Variants in ALPL observed in about 807,000 individuals in gnomAD.
The protein encoded by ALPL is alkaline phosphatase, tissue-nonspecific isozyme.
A neutral mutation model predicts 51.3 loss-of-function variants in ALPL; 42 were observed. The ratio of observed to expected loss-of-function variants is 0.82; its 90% CI spans 0.64 to 1.06. The LOEUF (loss-of-function observed/expected upper bound fraction) is 1.06. Ranked by LOEUF, ALPL falls within the 50% of genes least tolerant of loss-of-function variation. ALPL has a pLI of 0.00. For missense variants in ALPL, 589 were observed against 709.4 expected (o/e 0.83, Z 1.93); for synonymous variants, 279 against 296.4 (o/e 0.94, Z 0.60).
In ALPL at chr1:21,570,362, G is replaced by C. The variant is rs746700357; in HGVS notation, c.850G>C (p.Asp284His). 1 of 1,614,094 alleles carries C rather than the reference G, an allele frequency of 6.2e-7. No homozygotes were observed. The highest frequency in any genetic ancestry group is 1.1e-5 in the South Asian group (1 of 91,076). The change falls in exon 8 of 12, where the codon GAC becomes CAC. Residue 284 changes from aspartate to histidine, a missense_variant. Asp to His is a moderately conservative substitution (Grantham distance 81). Transcript: ENST00000374840. ...CCTGACCCTTGACCCCCACAATGTG[G>C]ACTACCTATTGGGTAAGTGGAGGGG... ...ELLTLDPHNV[D>H]YLLGLFEPGD...
chr1:21,513,087 T>C (rs980252775), intron 1 of ALPL, among the ~76,000 whole-genome samples: 2 of 152,036 alleles, frequency 1.3e-5, no homozygotes, highest in South Asian at 4.1e-4. Flanking sequence ...TTATTATTAC[T>C]ATTTTGTATT....
intron 1 of ALPL, among the ~76,000 whole-genome samples, chr1:21,541,011 C>T (rs993012858): frequency 6.6e-6 from 1 of 152,224 alleles, no homozygotes; most frequent in African/African-American, 2.4e-5. Flanking sequence ...AGGGAAAGTA[C>T]TCAGCAGGCA....
rs1644757548 is a variant in ALPL, at chr1:21,577,576, C to T, written c.1503C>T (p.Ser501=). The change falls in exon 12 of 12, where the codon AGC becomes AGT. Residue 501 remains serine, a synonymous_variant. Transcript: ENST00000374840. ...ACCTCGGCCACTGTGCTCCTGCCAGCTCGGCAGGCAGCCTTGCTGCAGGCC... is the reference window on the plus strand; with the variant it reads ...ACCTCGGCCACTGTGCTCCTGCCAGTTCGGCAGGCAGCCTTGCTGCAGGCC... The part of the protein sequence containing the change: ...GANLGHCAPA[S]SAGSLAAGPL... The T allele has an allele frequency of 6.2e-7, 1 of 1,603,212 alleles. No homozygotes were observed. Among genetic ancestry groups the T allele is most frequent in the Non-Finnish European group, 8.5e-7 (1 of 1,179,772 alleles).
At chr1:21,511,259 G>T (rs992506355) in intron 1 of ALPL, among the ~76,000 whole-genome samples, 3 of 152,154 alleles carry the variant, frequency 2.0e-5, no homozygotes, top group Non-Finnish European at 4.4e-5. Context: ...AGATTAAGAC[G>T]CAATCACCTG....
chr1:21,546,433 A>G (rs994216936), intron 1 of ALPL, among the ~76,000 whole-genome samples: 11 of 152,212 alleles, frequency 7.2e-5, no homozygotes, highest in African/African-American at 1.7e-4. Flanking sequence ...ACAGCTGTGC[A>G]TATCCAAGTG....
At chr1:21,533,313 T>C (rs911188752) in intron 1 of ALPL, among the ~76,000 whole-genome samples, 1 of 152,204 alleles carries the variant, frequency 6.6e-6, no homozygotes, top group Non-Finnish European at 1.5e-5. Context: ...GCACAGTGAA[T>C]GCAGCTGTCA....
rs757045880 is a variant in ALPL, at chr1:21,577,387, C to T, written c.1314C>T (p.His438=). 10 of 1,613,310 alleles carry T rather than the reference C, an allele frequency of 6.2e-6. No individual in the cohort carries two copies. The highest frequency in any genetic ancestry group is 2.2e-5 in the East Asian group (1 of 44,884). The stretch of plus-strand genomic sequence containing the variant: ...GGTGTTTCCCCTGGCCCACAGCTCA[C>T]AACAACTACCAGGCGCAGTCTGCTG... The part of the protein sequence containing the change: ...RENVSMVDYA[H]NNYQAQSAVP... Residue 438 remains histidine (H), a synonymous_variant, in exon 12 of 12, where the codon CAC becomes CAT. Coordinates refer to ENST00000374840, the MANE Select transcript of ALPL (RefSeq NM_000478.6).
intron 2 of ALPL, among the ~76,000 whole-genome samples, chr1:21,555,434 G>A (rs1188669847): frequency 1.3e-5 from 2 of 152,204 alleles, no homozygotes; most frequent in Non-Finnish European, 2.9e-5. Flanking sequence ...TTTTGAGACA[G>A]AGACAGACTC....
At position 21,568,238 on chromosome 1, in the gene ALPL, G is replaced by A. The variant is rs537483743; in HGVS notation, c.783G>A (p.Pro261=). Residue 261 remains proline (P), a synonymous_variant, in exon 7 of 12, where the codon CCG becomes CCA. Transcript: ENST00000374840. The part of the protein sequence containing the change: ...DLVDTWKSFK[P]RYKHSHFIWN... Reference sequence around the variant, plus strand: ...TTGACACCTGGAAGAGCTTCAAACCGAGATACAAGGTAGCCTGTGCTGGGG... The same window carrying A: ...TTGACACCTGGAAGAGCTTCAAACCAAGATACAAGGTAGCCTGTGCTGGGG... 12 of 1,614,088 alleles carry A rather than the reference G, an allele frequency of 7.4e-6. No homozygotes were observed. Among genetic ancestry groups the A allele is most frequent in the African/African-American group, 5.3e-5 (4 of 75,026 alleles).
At chr1:21,574,087 C>T in intron 9 of ALPL, 27 of 985,454 alleles carry the variant, frequency 2.7e-5, no homozygotes, top group Non-Finnish European at 3.3e-5. Flanking sequence ...GGACCTGGCC[C>T]TGAAGGGGCA....
At chr1:21,510,887 A>G (rs1160934613) in intron 1 of ALPL, among the ~76,000 whole-genome samples, 1 of 152,128 alleles carries the variant, frequency 6.6e-6, no homozygotes, top group Non-Finnish European at 1.5e-5. Context: ...CTTTAACTGA[A>G]TACCTGTGAA....
intron 1 of ALPL, among the ~76,000 whole-genome samples, chr1:21,541,546 G>C (rs1340427472): frequency 6.6e-6 from 1 of 152,246 alleles, no homozygotes; most frequent in East Asian, 1.9e-4. Flanking sequence ...CAGCCACGGG[G>C]CTGCTGCCAT....
intron 7 of ALPL, 152 bp from the exon 8 acceptor site, chr1:21,570,153 T>A: frequency 2.6e-6 from 2 of 757,832 alleles, no homozygotes; most frequent in Non-Finnish European, 4.6e-6. Flanking sequence ...TGATTCATCA[T>A]TTCTTGAGGT....
intron 2 of ALPL, among the ~76,000 whole-genome samples, chr1:21,554,788 C>CCTGTCTGT (rs369690542): frequency 2.3e-4 from 26 of 114,618 alleles, no homozygotes; most frequent in African/African-American, 8.8e-4. Flanking sequence ...CCGCGCCTGG[C>CCTGTCTGT]CTGTCTGTCT....
At chr1:21,553,844 T>C (rs974660433) in intron 1 of ALPL, 134 bp from the exon 2 acceptor site, 12 of 554,178 alleles carry the variant, frequency 2.2e-5, no homozygotes, top group African/African-American at 2.1e-4. Flanking sequence ...ATCCCAATGT[T>C]GAGCCCCATG....
chr1:21,564,221 G>C lies in ALPL; in HGVS notation c.648+5G>C, dbSNP rs771097001. On this transcript the variant is annotated splice_donor_5th_base_variant and intron_variant, in intron 6 of 11. Transcript: ENST00000374840. The surrounding 1 kb of genome is among the most constrained non-coding windows in gnomAD (Gnocchi z 5.8). ...CATAACATCAGGGACATTGACGTGA[G>C]TGCTCGGGGGCAGCCGGGCAGGGAC... 1.2e-6 allele frequency: 2 copies of C among 1,613,312 alleles called. No individual in the cohort carries two copies. The highest frequency in any genetic ancestry group is 4.5e-5 in the East Asian group (2 of 44,892).
intron 2 of ALPL, among the ~76,000 whole-genome samples, chr1:21,558,804 A>C (rs1644446334): frequency 6.6e-6 from 1 of 152,150 alleles, no homozygotes; most frequent in Non-Finnish European, 1.5e-5. Context: ...CTAGAGGTGC[A>C]CTGCAGCACC....
intron 1 of ALPL, among the ~76,000 whole-genome samples, chr1:21,526,099 C>G (rs781179037): frequency 8.5e-5 from 13 of 152,170 alleles, no homozygotes; most frequent in Non-Finnish European, 1.5e-4. Context: ...CCTAGCTAAG[C>G]CTTGGGCAGA....
At chr1:21,520,642 T>G (rs566611957) in intron 1 of ALPL, among the ~76,000 whole-genome samples, 1 of 151,912 alleles carries the variant, frequency 6.6e-6, no homozygotes, top group African/African-American at 2.4e-5. Context: ...TTTGTACTTA[T>G]AGTAGACACG....
Sources: allele counts gnomAD v4.1 joint callset (sites outside exome capture counted in the v4.1 genomes callset), GRCh38; gene constraint gnomAD v4.1.1; non-coding constraint Gnocchi (gnomAD v3.1); transcripts MANE v1.5; gene names NCBI Gene and HGNC (gene_info 2026-07-23, HGNC 2026-07-21).